DLGAP1: variants seen among roughly 807,000 people sequenced by gnomAD.
DLGAP1 encodes the protein disks large-associated protein 1.
DLGAP1 carries 11 observed loss-of-function variants against 90.8 expected under a neutral mutation model. That is an observed-to-expected ratio of 0.12 (90% CI 0.08 to 0.20). The LOEUF (loss-of-function observed/expected upper bound fraction) is 0.20, where lower values mean the gene tolerates loss of function less well. DLGAP1 is among the 10% of genes least tolerant of loss of function. The probability of loss-of-function intolerance (pLI) is 1.00; values close to 1 mark genes in which losing one functional copy is unlikely to be tolerated. For synonymous variants in DLGAP1, 558 were observed against 540.7 expected, an observed-to-expected ratio of 1.03 and a Z score of -0.44; for missense variants, 1,050 against 1,333.8, an observed-to-expected ratio of 0.79 and a Z score of 3.31.
At chr18:4,085,931 A>C in intron 2 of DLGAP1, among the ~76,000 whole-genome samples, 1 of 152,164 alleles carries the variant, frequency 6.6e-6, no homozygotes, top group African/African-American at 2.4e-5. Flanking sequence ...TTCTTTTGAA[A>C]GTGATTATTG....
At chr18:3,720,983 G>A (rs1315949036) in intron 7 of DLGAP1, among the ~76,000 whole-genome samples, 1 of 151,306 alleles carries the variant, frequency 6.6e-6, no homozygotes, top group East Asian at 2.0e-4. Context: ...TCGAGCACAG[G>A]ATGTTGAGGC....
chr18:3,807,989 T>C (rs528068813), intron 5 of DLGAP1, among the ~76,000 whole-genome samples: 1 of 152,290 alleles, frequency 6.6e-6, no homozygotes, highest in East Asian at 1.9e-4. Context: ...TGGTACAGAC[T>C]ACAATACTCA....
intron 6 of DLGAP1, among the ~76,000 whole-genome samples, chr18:3,740,607 C>T (rs1360169322): frequency 6.6e-6 from 1 of 152,066 alleles, no homozygotes; most frequent in Admixed American, 6.6e-5. Context: ...ATTTCAGGGT[C>T]TTATTTTGAC....
chr18:3,540,856 G>A (rs2052653295), intron 9 of DLGAP1, among the ~76,000 whole-genome samples: 2 of 152,148 alleles, frequency 1.3e-5, no homozygotes, highest in South Asian at 4.1e-4. Flanking sequence ...ATAAAGGGAG[G>A]AAATAGAAAA....
chr18:3,847,742 T>C lies in DLGAP1; in HGVS notation c.957+31370A>G, dbSNP rs116470384. ...AAGTATTCCAATGAAAGAAACCTGT[T>C]TTAAACATGAGAGATGGGTTCACAA... On this transcript the variant is annotated intron_variant, in intron 4 of 12. Coordinates refer to ENST00000315677, the MANE Select transcript of DLGAP1 (RefSeq NM_004746.4). Among the ~76,000 whole-genome samples the C allele has an allele frequency of 4.5e-3, 686 of 152,200 alleles. 10 individuals are homozygous for C. Among genetic ancestry groups the C allele is most frequent in the African/African-American group, 0.014 (602 of 41,548 alleles).
intron 4 of DLGAP1, among the ~76,000 whole-genome samples, chr18:3,818,465 T>G (rs566694824): frequency 6.6e-6 from 1 of 150,594 alleles, no homozygotes; most frequent in East Asian, 2.0e-4. Context: ...GTTCAAGCGA[T>G]TCTCTTGCCT....
intron 7 of DLGAP1, among the ~76,000 whole-genome samples, chr18:3,638,382 G>A (rs1599667545): frequency 1.6e-5 from 1 of 64,010 alleles, no homozygotes; most frequent in Non-Finnish European, 3.4e-5. Context: ...TGAGTGTCTA[G>A]GACTATGGAC....
chr18:3,636,873 C>T (rs2058737347), intron 7 of DLGAP1, among the ~76,000 whole-genome samples: 1 of 150,444 alleles, frequency 6.6e-6, no homozygotes, highest in African/African-American at 2.5e-5. Context: ...TACAGGTGCA[C>T]ACCACCACAC....
chr18:4,300,780 G>A (rs1164152062), intron 1 of DLGAP1, among the ~76,000 whole-genome samples: 1 of 152,086 alleles, frequency 6.6e-6, no homozygotes, highest in Non-Finnish European at 1.5e-5. Context: ...GTTTATTACT[G>A]ACTTGTAAGG....
chr18:3,898,043 C>T (rs895294095), intron 3 of DLGAP1, among the ~76,000 whole-genome samples: 12 of 152,136 alleles, frequency 7.9e-5, no homozygotes, highest in Non-Finnish European at 1.5e-4. Context: ...ATCCGCCCGC[C>T]TTGGCCTCCC....
rs992901673 is a variant in DLGAP1, at chr18:3,498,129, A to G, written c.*1056T>C. 6.6e-6 allele frequency: 1 copy of G among 152,220 alleles called. No individual in the cohort carries two copies. Among genetic ancestry groups the G allele is most frequent in the Non-Finnish European group, 1.5e-5 (1 of 68,054 alleles). 9.4% of individuals were successfully genotyped at this position (152,220 alleles called of 1,614,324 possible). On this transcript the variant is annotated 3_prime_UTR_variant, in exon 13 of 13. Transcript: ENST00000315677. The stretch of plus-strand genomic sequence containing the variant: ...TTCAAAGGGATGGTAGGAAAACCCA[A>G]ACTCTTCTCCAAAAACAGCCTTGCT...
chr18:4,425,952 C>G (rs1337979056), intron 1 of DLGAP1, among the ~76,000 whole-genome samples: 1 of 152,186 alleles, frequency 6.6e-6, no homozygotes, highest in African/African-American at 2.4e-5. Context: ...GTTGTACATC[C>G]TCTTCTAACA....
intron 8 of DLGAP1, among the ~76,000 whole-genome samples, chr18:3,577,842 T>TGG (rs1184127719): frequency 6.6e-6 from 1 of 152,228 alleles, no homozygotes; most frequent in African/African-American, 2.4e-5. Context: ...ATTTATAAAG[T>TGG]GGCTTTCAAA....
At chr18:4,075,920 A>G (rs1353743652) in intron 2 of DLGAP1, among the ~76,000 whole-genome samples, 3 of 152,160 alleles carry the variant, frequency 2.0e-5, no homozygotes, top group Non-Finnish European at 4.4e-5. Context: ...TGTTGTCTGA[A>G]ATTGAATCAT....
chr18:3,892,122 CA>C (rs1470368405), intron 3 of DLGAP1: 2 of 62,666 alleles, frequency 3.2e-5, no homozygotes, highest in East Asian at 5.4e-4. Flanking sequence ...AAAACACACA[CA>C]CACACACACA....
chr18:4,418,522 C>A (rs2082955671), intron 1 of DLGAP1, among the ~76,000 whole-genome samples: 1 of 152,030 alleles, frequency 6.6e-6, no homozygotes. Flanking sequence ...ATAAAAAAAT[C>A]AAATGAAAAT....
At chr18:4,365,378 A>C (rs564479268) in intron 1 of DLGAP1, among the ~76,000 whole-genome samples, 1 of 152,310 alleles carries the variant, frequency 6.6e-6, no homozygotes, top group Admixed American at 6.5e-5. Flanking sequence ...GACAGAAAGC[A>C]GATTACTGGT....
chr18:4,331,786 G>T (rs1484833143), intron 1 of DLGAP1, among the ~76,000 whole-genome samples: 2 of 151,788 alleles, frequency 1.3e-5, no homozygotes, highest in Admixed American at 1.3e-4. Flanking sequence ...CCTCTGCCTG[G>T]AATAAATTCA....
intron 7 of DLGAP1, among the ~76,000 whole-genome samples, chr18:3,672,201 GACACACACACACAC>G (rs3223621): frequency 8.4e-5 from 12 of 143,590 alleles, no homozygotes; most frequent in African/African-American, 1.3e-4. Flanking sequence ...CTGCTGATTA[GACACACACACACAC>G]ACACACACAC....
Sources: allele counts gnomAD v4.1 joint callset (sites outside exome capture counted in the v4.1 genomes callset), GRCh38; gene constraint gnomAD v4.1.1; transcripts MANE v1.5; gene names NCBI Gene and HGNC (gene_info 2026-07-23, HGNC 2026-07-21).